The following PRORP variants were observed in gnomAD, a reference collection of about 807,000 sequenced individuals.
The protein encoded by PRORP is mitochondrial ribonuclease P catalytic subunit.
Under a neutral mutation model 59.4 loss-of-function variants are expected in PRORP, and 51 were observed. The observed-to-expected ratio is 0.86, with a 90% CI of 0.69 to 1.08. PRORP has a LOEUF of 1.08. Among genes scored for constraint, PRORP ranks in the 50% least tolerant of loss-of-function variants. The pLI, the probability that PRORP is intolerant of heterozygous loss-of-function variation, is 0.00. For synonymous variants in PRORP, 231 were observed against 245.6 expected, an observed-to-expected ratio of 0.94 and a Z score of 0.55; for missense variants, 646 against 690.3, an observed-to-expected ratio of 0.94 and a Z score of 0.72.
chr14:35,259,346 G>C (rs2050840035), intron 5 of PRORP, among the ~76,000 whole-genome samples: 1 of 151,902 alleles, frequency 6.6e-6, no homozygotes, highest in African/African-American at 2.4e-5. Flanking sequence ...GATTATATTT[G>C]AAGTGAGTTT....
chr14:35,179,131 C>T (rs1263506954), intron 4 of PRORP, among the ~76,000 whole-genome samples: 1 of 152,214 alleles, frequency 6.6e-6, no homozygotes, highest in Non-Finnish European at 1.5e-5. Flanking sequence ...GATGGGCTTC[C>T]CTTTCTGGGG....
At chr14:35,261,590 G>A (rs528398620) in intron 5 of PRORP, among the ~76,000 whole-genome samples, 4 of 152,172 alleles carry the variant, frequency 2.6e-5, no homozygotes, top group East Asian at 3.9e-4. Context: ...TTAGCTGGGC[G>A]TTGTGGCGGG....
intron 5 of PRORP, among the ~76,000 whole-genome samples, chr14:35,217,514 A>G (rs1313720519): frequency 1.3e-5 from 2 of 151,690 alleles, no homozygotes; most frequent in East Asian, 3.8e-4. Context: ...AAAAAAAAAA[A>G]AAAGAAAAGA....
chr14:35,238,497 C>T (rs897607625), intron 5 of PRORP, among the ~76,000 whole-genome samples: 26 of 151,998 alleles, frequency 1.7e-4, no homozygotes, highest in African/African-American at 6.0e-4. Flanking sequence ...ATTGAAAGAC[C>T]AACCAAAAGA....
At chr14:35,182,704 A>G (rs553033770) in intron 5 of PRORP, among the ~76,000 whole-genome samples, 265 of 152,336 alleles carry the variant, frequency 1.7e-3, no homozygotes, top group African/African-American at 6.2e-3. Flanking sequence ...ACTTATATTT[A>G]TAGATACACA....
chr14:35,261,153 T>A (rs2050893331), intron 5 of PRORP, among the ~76,000 whole-genome samples: 1 of 152,174 alleles, frequency 6.6e-6, no homozygotes, highest in African/African-American at 2.4e-5. Flanking sequence ...CATTTCTAGG[T>A]TGACAGCTTC....
At position 35,136,718 on chromosome 14, in the gene PRORP, C is replaced by T. The variant is rs554265992; in HGVS notation, c.1167+9107C>T. 2.1e-5 allele frequency among the ~76,000 whole-genome samples: 3 copies of T among 145,172 alleles called. 1 individual carries two copies. The Admixed American group carries it at 2.2e-4, about 10-fold the overall frequency. On this transcript the variant is annotated intron_variant, in intron 4 of 7. Transcript: ENST00000534898. ...CAGCAGAAGATCCAGGACTTGGGTT[C>T]CAGCTTACAGGGGAGAGTTAATGCT...
intron 4 of PRORP, among the ~76,000 whole-genome samples, chr14:35,167,405 A>C (rs28723612): frequency 0.62 from 93,681 of 152,012 alleles, 29,040 homozygotes; most frequent in East Asian, 0.69. Context: ...GAGAAATGCG[A>C]TAAGATAGTT....
chr14:35,218,485 A>AG (rs1348565728), intron 5 of PRORP, among the ~76,000 whole-genome samples: 1 of 133,048 alleles, frequency 7.5e-6, no homozygotes, highest in Non-Finnish European at 1.6e-5. Flanking sequence ...AAAAAAAAAA[A>AG]CCAACAACAA....
intron 4 of PRORP, among the ~76,000 whole-genome samples, chr14:35,170,018 T>C (rs898798838): frequency 2.0e-5 from 3 of 152,244 alleles, no homozygotes; most frequent in African/African-American, 7.2e-5. Flanking sequence ...ATTTATGATA[T>C]GACTTTGATG....
At chr14:35,184,128 T>A (rs557504736) in intron 5 of PRORP, among the ~76,000 whole-genome samples, 1 of 151,946 alleles carries the variant, frequency 6.6e-6, no homozygotes, top group African/African-American at 2.4e-5. Context: ...AATGGTTGAT[T>A]ATATATCTAG....
intron 5 of PRORP, chr14:35,235,628 A>G: frequency 2.2e-6 from 1 of 462,168 alleles, no homozygotes. Context: ...CTTGGCCTGG[A>G]CAAACAGCCT....
At chr14:35,133,752 C>T (rs1000074891) in intron 4 of PRORP, among the ~76,000 whole-genome samples, 3 of 152,198 alleles carry the variant, frequency 2.0e-5, no homozygotes, top group African/African-American at 7.2e-5. Flanking sequence ...GCCTTCATGG[C>T]CTTGAACAAG....
intron 5 of PRORP, among the ~76,000 whole-genome samples, chr14:35,241,147 G>A (rs2050355887): frequency 1.3e-5 from 2 of 152,184 alleles, no homozygotes; most frequent in South Asian, 4.1e-4. Context: ...GGAGGCCAAG[G>A]CGGGAGCATC....
At chr14:35,264,424 AT>A (rs780130793) in intron 5 of PRORP, among the ~76,000 whole-genome samples, 262 of 144,208 alleles carry the variant, frequency 1.8e-3, no homozygotes, top group Non-Finnish European at 1.9e-3. Context: ...GCCTGGCCTA[AT>A]TTTTTTTTTT....
chr14:35,253,984 A>T (rs899089601), intron 5 of PRORP, among the ~76,000 whole-genome samples: 1 of 150,856 alleles, frequency 6.6e-6, no homozygotes, highest in Admixed American at 6.7e-5. Flanking sequence ...AATGACTCCC[A>T]AATCTTTATC....
At chr14:35,131,556 T>C (rs1456416194) in intron 4 of PRORP, among the ~76,000 whole-genome samples, 5 of 149,244 alleles carry the variant, frequency 3.4e-5, no homozygotes, top group Non-Finnish European at 7.4e-5. Flanking sequence ...TGAGACAGAG[T>C]CTTGCTCTGT....
intron 4 of PRORP, among the ~76,000 whole-genome samples, chr14:35,152,690 C>T (rs12882206): frequency 0.021 from 3,139 of 151,906 alleles, 57 homozygotes; most frequent in Non-Finnish European, 0.029. Context: ...GGCTGCCGGG[C>T]GGAGGGGCTC....
At chr14:35,214,772 T>A (rs1161787049) in intron 5 of PRORP, among the ~76,000 whole-genome samples, 3 of 152,152 alleles carry the variant, frequency 2.0e-5, no homozygotes, top group Non-Finnish European at 4.4e-5. Flanking sequence ...CTGGGTGTGG[T>A]GGTGCACACC....
Sources: gnomAD v4.1 joint callset for allele counts (sites outside exome capture counted in the v4.1 genomes callset) on GRCh38, gnomAD v4.1.1 for gene constraint, MANE v1.5 for transcripts, NCBI Gene and HGNC (gene_info 2026-07-23, HGNC 2026-07-21) for gene names.